SHANK2: variants seen among roughly 807,000 people sequenced by gnomAD.
SHANK2 encodes SH3 and multiple ankyrin repeat domains 2, also known as SH3 and multiple ankyrin repeat domains protein 2.
Under a neutral mutation model 133.7 loss-of-function variants are expected in SHANK2, and 43 were observed. The observed-to-expected ratio is 0.32, with a 90% CI of 0.25 to 0.41. The LOEUF is 0.41. Among genes scored for constraint, SHANK2 ranks in the 10% least tolerant of loss-of-function variants. The pLI is 1.00. For synonymous variants in SHANK2, 1,017 were observed against 952.8 expected (o/e 1.07, Z -1.24); for missense variants, 1,994 against 2,235.8 (o/e 0.89, Z 2.18).
intron 13 of SHANK2, among the ~76,000 whole-genome samples, chr11:70,799,730 A>G (rs1257939580): frequency 6.6e-6 from 1 of 152,230 alleles, no homozygotes; most frequent in African/African-American, 2.4e-5. Flanking sequence ...CTGGACAGAC[A>G]CGGCCACCCC....
intron 21 of SHANK2, chr11:70,497,011 A>G (rs551743989): frequency 2.2e-6 from 1 of 456,692 alleles, no homozygotes; most frequent in South Asian, 1.5e-5. Flanking sequence ...AATAACCCCA[A>G]AACAAATGTT....
intron 14 of SHANK2, among the ~76,000 whole-genome samples, chr11:70,767,322 T>C (rs551502072): frequency 6.6e-6 from 1 of 152,228 alleles, no homozygotes. Flanking sequence ...AGAGTTACCA[T>C]ATGACCCACC....
intron 17 of SHANK2, among the ~76,000 whole-genome samples, chr11:70,646,829 T>TTTTA (rs201368975): frequency 0.048 from 3,895 of 81,844 alleles, 76 homozygotes; most frequent in East Asian, 0.11. Context: ...CTTTTATTTA[T>TTTTA]TTTATTTATT....
chr11:70,595,634 G>A (rs550887127), intron 17 of SHANK2, among the ~76,000 whole-genome samples: 20 of 152,328 alleles, frequency 1.3e-4, no homozygotes, highest in African/African-American at 4.1e-4. Flanking sequence ...CCCCTGGACC[G>A]TGTTGAATGG....
intron 17 of SHANK2, among the ~76,000 whole-genome samples, chr11:70,520,609 C>T (rs2059318600): frequency 6.6e-6 from 1 of 152,198 alleles, no homozygotes; most frequent in Non-Finnish European, 1.5e-5. Flanking sequence ...TCTCCTTTCC[C>T]TACTTTCCAC....
chr11:70,592,199 C>T (rs2060333748), intron 17 of SHANK2, among the ~76,000 whole-genome samples: 3 of 152,164 alleles, frequency 2.0e-5, no homozygotes, highest in African/African-American at 4.8e-5. Flanking sequence ...GGCCTCCTCA[C>T]TCTACCTGCT....
intron 9 of SHANK2, among the ~76,000 whole-genome samples, chr11:71,066,039 G>C (rs1445937030): frequency 3.3e-3 from 73 of 22,186 alleles, no homozygotes; most frequent in South Asian, 4.4e-3. Context: ...GGGAAGTTGG[G>C]GGAGGGTACA....
chr11:70,499,997 G>A (rs1555158033), intron 21 of SHANK2, among the ~76,000 whole-genome samples: 1 of 152,202 alleles, frequency 6.6e-6, no homozygotes, highest in African/African-American at 2.4e-5. Flanking sequence ...TTGCTGCTGT[G>A]AAAGGGGGAA....
chr11:71,072,100 T>C (rs1159582348), intron 9 of SHANK2, among the ~76,000 whole-genome samples: 1 of 152,174 alleles, frequency 6.6e-6, no homozygotes, highest in Non-Finnish European at 1.5e-5. Context: ...TCAATAGTGA[T>C]GTCCAGGAAT....
intron 1 of SHANK2, among the ~76,000 whole-genome samples, chr11:71,250,095 T>TC (rs1161226689): frequency 2.0e-5 from 3 of 149,718 alleles, no homozygotes; most frequent in Admixed American, 6.7e-5. Flanking sequence ...CACAGAAAGA[T>TC]CCCCCCAACA....
At chr11:71,233,660 C>T (rs1382720913) in intron 1 of SHANK2, among the ~76,000 whole-genome samples, 2 of 152,158 alleles carry the variant, frequency 1.3e-5, no homozygotes, top group Non-Finnish European at 2.9e-5. Context: ...CTAAGAAATC[C>T]GCAACTGGGT....
intron 11 of SHANK2, among the ~76,000 whole-genome samples, chr11:70,835,235 G>A (rs1469256451): frequency 6.6e-6 from 1 of 152,182 alleles, no homozygotes; most frequent in Non-Finnish European, 1.5e-5. Flanking sequence ...GCGTGCAATG[G>A]CTTACGGGCA....
rs1322143159 is a variant in SHANK2, at chr11:71,166,473, C to CTTTTTTTT, written c.-12-19143_-12-19136dup. ...TTGGTTTACCTTCCAATCCACACGT[C>CTTTTTTTT]TTTTTTTTCTTTTCTTTTTTTTTTG... On this transcript the variant is annotated intron_variant, in intron 2 of 25. Coordinates refer to ENST00000601538, the MANE Select transcript of SHANK2 (RefSeq NM_012309.5). 1.5e-4 allele frequency among the ~76,000 whole-genome samples: 20 copies of CTTTTTTTT among 131,412 alleles called. 2 individuals are homozygous for CTTTTTTTT. Among genetic ancestry groups the CTTTTTTTT allele is most frequent in the Non-Finnish European group, 1.1e-4 (7 of 61,394 alleles). The allele number at this position is 131,412 out of a possible 152,430, so 86.2% of individuals were successfully genotyped here.
chr11:71,149,924 G>A (rs1374319957), intron 2 of SHANK2, among the ~76,000 whole-genome samples: 1 of 33,532 alleles, frequency 3.0e-5, no homozygotes, highest in Non-Finnish European at 5.8e-5. Flanking sequence ...AGAAGGGAGG[G>A]AGGGAGAGGA....
chr11:71,099,350 T>C (rs782332509), intron 6 of SHANK2, among the ~76,000 whole-genome samples: 1 of 152,196 alleles, frequency 6.6e-6, no homozygotes, highest in African/African-American at 2.4e-5. Flanking sequence ...AAGCGTACCA[T>C]ACGACTTCCG....
rs2061218294 is a variant in SHANK2, at chr11:70,643,625, C to A, written c.2061+16203G>T. 2.0e-5 allele frequency among the ~76,000 whole-genome samples: 3 copies of A among 150,554 alleles called. No homozygotes were observed. The South Asian group carries it at 6.3e-4, about 32-fold the overall frequency. On this transcript the variant is annotated intron_variant, in intron 17 of 25. Transcript: ENST00000601538. ...TTATACTACAGTGGTTGGTCTGTGA[C>A]CTGTGGTTAGTATTTGGGATGGTGT...
chr11:70,759,599 T>C (rs779812451), intron 14 of SHANK2, among the ~76,000 whole-genome samples: 9 of 152,096 alleles, frequency 5.9e-5, no homozygotes, highest in Non-Finnish European at 1.0e-4. Flanking sequence ...GCGTTAACAC[T>C]AAAGGAGAGA....
intron 10 of SHANK2, chr11:70,952,748 GT>G (rs1950862966): frequency 4.7e-6 from 2 of 421,172 alleles, no homozygotes; most frequent in Non-Finnish European, 1.0e-5. Flanking sequence ...GGCTTCGTGT[GT>G]CCGGGGGGGC....
At position 70,490,257 on chromosome 11, in the gene SHANK2, G is replaced by A. The variant is rs781930690; in HGVS notation, c.2551+19C>T. 5 of 1,595,260 alleles carry A rather than the reference G, an allele frequency of 3.1e-6. No homozygotes were observed. Among genetic ancestry groups the A allele is most frequent in the Non-Finnish European group, 4.3e-6 (5 of 1,162,654 alleles). On this transcript the variant is annotated intron_variant, in intron 23 of 25. Transcript: ENST00000601538. Reference sequence around the variant, plus strand: ...AAAGCCCAGGGGCAACTTCTGTGGGGGAGTGCCACACTTCTTACCTATTGA... The same window carrying A: ...AAAGCCCAGGGGCAACTTCTGTGGGAGAGTGCCACACTTCTTACCTATTGA...
Sources: allele counts gnomAD v4.1 joint callset (sites outside exome capture counted in the v4.1 genomes callset), GRCh38; gene constraint gnomAD v4.1.1; transcripts MANE v1.5; gene names NCBI Gene and HGNC (gene_info 2026-07-23, HGNC 2026-07-21).